Variants in ZC3H18 observed in about 807,000 individuals in gnomAD.
The protein encoded by ZC3H18 is zinc finger CCCH domain-containing protein 18.
ZC3H18 carries 8 observed loss-of-function variants against 106.1 expected under a neutral mutation model. That is an observed-to-expected ratio of 0.08 (90% CI 0.04 to 0.14). The LOEUF (loss-of-function observed/expected upper bound fraction) is 0.14, where lower values mean the gene tolerates loss of function less well. Among genes scored for constraint, ZC3H18 ranks in the 10% least tolerant of loss-of-function variants. The probability of loss-of-function intolerance (pLI) is 1.00; values close to 1 mark genes in which losing one functional copy is unlikely to be tolerated. For synonymous variants in ZC3H18, 635 were observed against 522.1 expected (o/e 1.22, Z -2.95); for missense variants, 1,318 against 1,278.4 (o/e 1.03, Z -0.47).
Position 88,631,539 on chromosome 16 carries a change from C to T in ZC3H18, c.*240C>T, listed in dbSNP as rs866584427. ...ACACAGACAGCGCTAGTGACCAGCA[C>T]GGTTCTCATGTAAATTACAAGCCCC... On this transcript the variant is annotated 3_prime_UTR_variant, in exon 18 of 18. Coordinates refer to ENST00000301011, the MANE Select transcript of ZC3H18 (RefSeq NM_144604.4). 3.9e-4 allele frequency: 247 copies of T among 625,696 alleles called. No homozygotes were observed. The East Asian group carries it at 7.6e-3, about 19-fold the overall frequency. The allele number at this position is 625,696 out of a possible 1,614,324, so 38.8% of individuals were successfully genotyped here.
At position 88,627,567 on chromosome 16, in the gene ZC3H18, C is replaced by G. The variant is rs903191657; in HGVS notation, c.2109-55C>G. ...AAAGTGGACCATGGAGCACCCCCTGCTGGCCCCTCCCTCCAGTCTGGCTGG... is the reference window on the plus strand; with the variant it reads ...AAAGTGGACCATGGAGCACCCCCTGGTGGCCCCTCCCTCCAGTCTGGCTGG... On this transcript the variant is annotated intron_variant, in intron 13 of 17. Transcript: ENST00000301011. The surrounding 1 kb of genome is among the most constrained non-coding windows in gnomAD (Gnocchi z 4.5). 2.6e-6 allele frequency: 4 copies of G among 1,552,204 alleles called. No homozygotes were observed. Among genetic ancestry groups the G allele is most frequent in the African/African-American group, 1.4e-5 (1 of 73,446 alleles).
chr16:88,573,941 T>G (rs1346157010), intron 1 of ZC3H18, among the ~76,000 whole-genome samples: 2 of 151,846 alleles, frequency 1.3e-5, no homozygotes, highest in South Asian at 2.1e-4. Flanking sequence ...GACACAATCT[T>G]GGCTCACTGC....
At chr16:88,606,155 G>C (rs1905000390) in intron 6 of ZC3H18, among the ~76,000 whole-genome samples, 1 of 152,248 alleles carries the variant, frequency 6.6e-6, no homozygotes, top group African/African-American at 2.4e-5. Context: ...CCCTAAAACA[G>C]TTGGGGAAGA....
intron 10 of ZC3H18, 87 bp from the exon 11 acceptor site, chr16:88,623,871 C>T: frequency 6.7e-7 from 1 of 1,499,138 alleles, no homozygotes; most frequent in Non-Finnish European, 8.9e-7. Flanking sequence ...GTGGCCTTCT[C>T]CATGGGTCTG....
intron 8 of ZC3H18, among the ~76,000 whole-genome samples, chr16:88,611,851 G>A (rs1262637576): frequency 6.6e-6 from 1 of 152,218 alleles, no homozygotes; most frequent in African/African-American, 2.4e-5. Flanking sequence ...CGCTGCCCTT[G>A]TATACCACGC....
chr16:88,623,623 G>A, intron 10 of ZC3H18: 1 of 574,148 alleles, frequency 1.7e-6, no homozygotes, highest in East Asian at 3.1e-5. Flanking sequence ...CGAGGAAGGG[G>A]CCAGACCCAG....
chr16:88,578,779 C>T (rs1268431272), intron 2 of ZC3H18, among the ~76,000 whole-genome samples: 2 of 152,154 alleles, frequency 1.3e-5, no homozygotes, highest in Admixed American at 6.5e-5. Flanking sequence ...ACAGCCTCTA[C>T]CCCCAGGTTC....
At chr16:88,571,959 C>G (rs987672153) in intron 1 of ZC3H18, among the ~76,000 whole-genome samples, 1 of 152,212 alleles carries the variant, frequency 6.6e-6, no homozygotes, top group African/African-American at 2.4e-5. Flanking sequence ...ATCGGTGCTT[C>G]TTTGCCAGAA....
Position 88,607,056 on chromosome 16 carries a change from G to A in ZC3H18, c.1089-1878G>A, listed in dbSNP as rs540603246. The stretch of plus-strand genomic sequence containing the variant: ...AAGGAGATGCAGAGTTGTGGGCCCC[G>A]CCAGGAGTTTAGAGCAGGCCCCCCC... On this transcript the variant is annotated intron_variant, in intron 6 of 17. Coordinates refer to ENST00000301011, the MANE Select transcript of ZC3H18 (RefSeq NM_144604.4). Among the ~76,000 whole-genome samples, 84 of 152,228 alleles carry A rather than the reference G, an allele frequency of 5.5e-4. 5 individuals carry two copies. Among genetic ancestry groups the A allele is most frequent in the South Asian group, 2.1e-4 (1 of 4,828 alleles).
At chr16:88,611,570 G>C (rs1218328056) in intron 8 of ZC3H18, 34 bp downstream of exon 8, 1 of 1,543,678 alleles carries the variant, frequency 6.5e-7, no homozygotes. Context: ...AGGGGTGTGG[G>C]GGAGGTCCGG....
chr16:88,595,349 A>G (rs999945133), intron 3 of ZC3H18, among the ~76,000 whole-genome samples: 3 of 152,230 alleles, frequency 2.0e-5, no homozygotes, highest in African/African-American at 7.2e-5. Context: ...CTGTGTACAC[A>G]GTATCCGCAG....
intron 8 of ZC3H18, among the ~76,000 whole-genome samples, chr16:88,613,801 T>C (rs1230455074): frequency 6.6e-6 from 1 of 152,224 alleles, no homozygotes; most frequent in Non-Finnish European, 1.5e-5. Flanking sequence ...TTTGGTGTCA[T>C]GTAAGATACC....
intron 1 of ZC3H18, among the ~76,000 whole-genome samples, chr16:88,576,019 G>C (rs911567895): frequency 2.0e-5 from 3 of 152,162 alleles, no homozygotes; most frequent in African/African-American, 7.2e-5. Context: ...TCCTGCCTCA[G>C]CCTCCTGAAT....
chr16:88,624,411 G>A (rs1906163485), intron 11 of ZC3H18, 191 bp from the exon 12 acceptor site: 2 of 889,922 alleles, frequency 2.2e-6, no homozygotes, highest in African/African-American at 1.7e-5. Context: ...AAGGGCTGCT[G>A]GGGGCTTTGA....
intron 2 of ZC3H18, among the ~76,000 whole-genome samples, chr16:88,580,260 C>A: frequency 6.7e-6 from 1 of 148,566 alleles, no homozygotes; most frequent in Non-Finnish European, 1.5e-5. Flanking sequence ...GAACATGTTT[C>A]CTAAGACTGG....
intron 7 of ZC3H18, 79 bp downstream of exon 7, chr16:88,609,130 A>G: frequency 1.7e-6 from 2 of 1,200,346 alleles, no homozygotes; most frequent in Non-Finnish European, 2.4e-6. Flanking sequence ...ACAGTAAAAA[A>G]TACAGGGCTT....
intron 6 of ZC3H18, among the ~76,000 whole-genome samples, chr16:88,601,280 A>G (rs1270428575): frequency 1.3e-5 from 2 of 152,244 alleles, no homozygotes; most frequent in African/African-American, 4.8e-5. Context: ...ACTCTGCAGG[A>G]TCACCAGGGG....
chr16:88,576,502 A>G (rs1263319029), intron 1 of ZC3H18, among the ~76,000 whole-genome samples: 1 of 152,156 alleles, frequency 6.6e-6, no homozygotes, highest in African/African-American at 2.4e-5. Flanking sequence ...TGGAGGGGCC[A>G]GTGAACACGC....
chr16:88,570,738 G>C (rs1303713844), intron 1 of ZC3H18, among the ~76,000 whole-genome samples, 172 bp downstream of exon 1: 1 of 151,640 alleles, frequency 6.6e-6, no homozygotes, highest in Non-Finnish European at 1.5e-5. Flanking sequence ...AGGGGACCTT[G>C]AGACAGGCAC....
Sources: allele counts gnomAD v4.1 joint callset (sites outside exome capture counted in the v4.1 genomes callset), GRCh38; gene constraint gnomAD v4.1.1; non-coding constraint Gnocchi (gnomAD v3.1); transcripts MANE v1.5; gene names NCBI Gene and HGNC (gene_info 2026-07-23, HGNC 2026-07-21).